The following CRACDL variants were observed in gnomAD, a reference collection of about 807,000 sequenced individuals.
CRACDL encodes CRACD-like protein.
A neutral mutation model predicts 70.6 loss-of-function variants in CRACDL; 26 were observed. The ratio of observed to expected loss-of-function variants is 0.37; its 90% CI spans 0.27 to 0.51. The LOEUF is 0.51. CRACDL is among the 20% of genes least tolerant of loss of function. The pLI is 0.94. For synonymous variants in CRACDL, 618 were observed against 615.2 expected (o/e 1.00, Z -0.07); for missense variants, 1,283 against 1,376.9 (o/e 0.93, Z 1.08).
At chr2:98,834,381 C>T (rs1469740339) in intron 3 of CRACDL, among the ~76,000 whole-genome samples, 1 of 152,098 alleles carries the variant, frequency 6.6e-6, no homozygotes, top group African/African-American at 2.4e-5. Flanking sequence ...GAGGACTCCA[C>T]AGCTGGTCTG....
chr2:98,827,511 T>C (rs181670476), intron 5 of CRACDL, among the ~76,000 whole-genome samples: 52 of 152,302 alleles, frequency 3.4e-4, no homozygotes, highest in Admixed American at 6.5e-4. Context: ...AGGCTGGTCT[T>C]AAACTCCTGA....
At position 98,832,937 on chromosome 2, in the gene CRACDL, C is replaced by T. The variant is rs768993369; in HGVS notation, c.300G>A (p.Glu100=). The T allele has an allele frequency of 6.2e-7, 1 of 1,614,026 alleles. No homozygotes were observed. Among genetic ancestry groups the T allele is most frequent in the African/African-American group, 1.3e-5 (1 of 74,934 alleles). The stretch of plus-strand genomic sequence containing the variant: ...CAGGCCGAGTAGCGTCCTGTCCGGA[C>T]TCAGGAATGAAAATACTGTCGTGAG... The part of the protein sequence containing the change: ...ALSHDSIFIP[E]SGQDATRPVR... Residue 100 remains glutamate, a synonymous_variant, in exon 4 of 10, where the codon GAG becomes GAA. Coordinates refer to ENST00000397899, the MANE Select transcript of CRACDL (RefSeq NM_207362.3).
chr2:98,859,132 T>C (rs1475537335), intron 1 of CRACDL, among the ~76,000 whole-genome samples: 2 of 152,176 alleles, frequency 1.3e-5, no homozygotes, highest in African/African-American at 4.8e-5. Context: ...TTCCAGCTCA[T>C]TGTGAAGCCA....
At chr2:98,826,184 T>A (rs1248118404) in intron 6 of CRACDL, among the ~76,000 whole-genome samples, 2 of 152,142 alleles carry the variant, frequency 1.3e-5, no homozygotes, top group African/African-American at 4.8e-5. Flanking sequence ...CTTCTAGGAC[T>A]AGGAGGTAAC....
At chr2:98,852,663 T>C (rs1479880085) in intron 1 of CRACDL, among the ~76,000 whole-genome samples, 1 of 152,008 alleles carries the variant, frequency 6.6e-6, no homozygotes, top group South Asian at 2.1e-4. Context: ...ATCATCAAGA[T>C]GAAAACTGTA....
intron 1 of CRACDL, among the ~76,000 whole-genome samples, chr2:98,921,821 G>A (rs1708809886): frequency 1.3e-5 from 2 of 152,072 alleles, no homozygotes; most frequent in African/African-American, 4.8e-5. Flanking sequence ...CCACCGGCCA[G>A]CCCCTCCTGT....
chr2:98,812,530 T>C (rs1310492600), intron 7 of CRACDL, among the ~76,000 whole-genome samples: 2 of 152,226 alleles, frequency 1.3e-5, no homozygotes, highest in Non-Finnish European at 1.5e-5. Context: ...GTATTATTAA[T>C]ATTTTTTGTT....
intron 1 of CRACDL, among the ~76,000 whole-genome samples, chr2:98,924,802 C>T (rs1226800431): frequency 6.6e-6 from 1 of 152,184 alleles, no homozygotes; most frequent in East Asian, 1.9e-4. Context: ...AATACCTTAG[C>T]CCCCCAAAAA....
intron 1 of CRACDL, among the ~76,000 whole-genome samples, chr2:98,857,382 C>A (rs757446080): frequency 2.0e-5 from 3 of 151,980 alleles, no homozygotes; most frequent in Non-Finnish European, 4.4e-5. Context: ...CTATGACAAA[C>A]ATAGATGTAA....
intron 1 of CRACDL, among the ~76,000 whole-genome samples, chr2:98,850,727 A>T (rs892141190): frequency 4.6e-5 from 7 of 152,210 alleles, no homozygotes; most frequent in African/African-American, 1.7e-4. Flanking sequence ...GCTGCGGGGC[A>T]CAGCACTTTG....
At chr2:98,934,473 G>A (rs1281780667) in intron 1 of CRACDL, among the ~76,000 whole-genome samples, 1 of 152,184 alleles carries the variant, frequency 6.6e-6, no homozygotes, top group Non-Finnish European at 1.5e-5. Context: ...GGGATTACAA[G>A]TGTGAGCCAT....
At chr2:98,884,018 C>A (rs551600451) in intron 1 of CRACDL, among the ~76,000 whole-genome samples, 1 of 152,158 alleles carries the variant, frequency 6.6e-6, no homozygotes, top group Non-Finnish European at 1.5e-5. Context: ...AGGAGCTGAT[C>A]GGTGGCTGGG....
intron 1 of CRACDL, among the ~76,000 whole-genome samples, chr2:98,906,776 G>A (rs1420588144): frequency 6.6e-6 from 1 of 152,164 alleles, no homozygotes; most frequent in East Asian, 1.9e-4. Context: ...GGATATTGCA[G>A]ATAATAATTT....
At chr2:98,826,906 T>TGGG (rs60538689) in intron 6 of CRACDL, 69 bp downstream of exon 6, 50 of 1,019,536 alleles carry the variant, frequency 4.9e-5, no homozygotes, top group South Asian at 1.8e-4. Flanking sequence ...TGAGGCAGGT[T>TGGG]GGGGGGGGGC....
intron 1 of CRACDL, among the ~76,000 whole-genome samples, chr2:98,870,985 G>A (rs536000057): frequency 5.9e-5 from 9 of 152,340 alleles, no homozygotes; most frequent in Admixed American, 2.0e-4. Context: ...CGCGAGATTC[G>A]CGAAGAGCAG....
chr2:98,930,246 G>C (rs10169573), intron 1 of CRACDL, among the ~76,000 whole-genome samples: 41,062 of 130,404 alleles, frequency 0.31, 7,420 homozygotes, highest in African/African-American at 0.44. Context: ...ATGCTGCAGA[G>C]CAAGACAGGA....
intron 1 of CRACDL, among the ~76,000 whole-genome samples, chr2:98,898,349 G>C (rs1032117062): frequency 1.4e-4 from 21 of 152,360 alleles, no homozygotes; most frequent in Admixed American, 6.5e-4. Context: ...GAGAAGACAT[G>C]CCCACAGTAA....
chr2:98,862,825 G>C (rs1239181387), intron 1 of CRACDL, among the ~76,000 whole-genome samples: 1 of 152,078 alleles, frequency 6.6e-6, no homozygotes, highest in African/African-American at 2.4e-5. Flanking sequence ...CACATTGTAA[G>C]AGTTCCAGAA....
intron 1 of CRACDL, among the ~76,000 whole-genome samples, chr2:98,881,651 C>A (rs886986623): frequency 2.6e-5 from 4 of 152,136 alleles, no homozygotes; most frequent in Admixed American, 2.6e-4. Flanking sequence ...TCAGCTGGGG[C>A]GCCATGTATA....
Sources: gnomAD v4.1 joint callset for allele counts (sites outside exome capture counted in the v4.1 genomes callset) on GRCh38, gnomAD v4.1.1 for gene constraint, MANE v1.5 for transcripts, NCBI Gene and HGNC (gene_info 2026-07-23, HGNC 2026-07-21) for gene names.